The following ITPR2 variants were observed in gnomAD, a reference collection of about 807,000 sequenced individuals.
The protein encoded by ITPR2 is inositol 1,4,5-trisphosphate-gated calcium channel ITPR2.
ITPR2 carries 207 observed loss-of-function variants against 317.1 expected under a neutral mutation model. That is an observed-to-expected ratio of 0.65 (90% confidence interval 0.58 to 0.73). ITPR2 has a LOEUF of 0.73. Ranked by LOEUF, ITPR2 falls within the 30% of genes least tolerant of loss-of-function variation. ITPR2 has a pLI of 0.00. For synonymous variants in ITPR2, 1,156 were observed against 1,149.1 expected (o/e 1.01, Z -0.12); for missense variants, 2,613 against 3,284.0 (o/e 0.80, Z 4.99).
intron 55 of ITPR2, among the ~76,000 whole-genome samples, chr12:26,364,713 T>C (rs961584230): frequency 6.6e-6 from 1 of 152,220 alleles, no homozygotes; most frequent in Non-Finnish European, 1.5e-5. Flanking sequence ...CCTGCCATCA[T>C]GTGTGTCTGT....
chr12:26,652,313 T>C (rs573741833), intron 21 of ITPR2, among the ~76,000 whole-genome samples: 2 of 152,382 alleles, frequency 1.3e-5, no homozygotes, highest in African/African-American at 4.8e-5. Context: ...TTTCTGTGGT[T>C]CAATTGGCTT....
chr12:26,689,664 A>G (rs962449640), intron 10 of ITPR2, among the ~76,000 whole-genome samples: 2 of 152,196 alleles, frequency 1.3e-5, no homozygotes, highest in African/African-American at 4.8e-5. Context: ...ACTGCTGTCC[A>G]ACTGCAAACA....
intron 2 of ITPR2, among the ~76,000 whole-genome samples, chr12:26,775,959 T>A (rs968852643): frequency 6.9e-6 from 1 of 145,090 alleles, no homozygotes; most frequent in Non-Finnish European, 1.5e-5. Flanking sequence ...TATATGTATA[T>A]CCTATTAGTT....
At chr12:26,704,293 A>T (rs10842783) in intron 9 of ITPR2, among the ~76,000 whole-genome samples, 56,103 of 152,092 alleles carry the variant, frequency 0.37, 11,634 homozygotes, top group Non-Finnish European at 0.48. Context: ...CAGGTCATGG[A>T]TAGTCTTTTC....
At chr12:26,546,026 G>C (rs969759146) in intron 37 of ITPR2, among the ~76,000 whole-genome samples, 1 of 152,190 alleles carries the variant, frequency 6.6e-6, no homozygotes. Flanking sequence ...AGCTAGAATT[G>C]CTTTAGCTAT....
chr12:26,340,287 G>T lies in ITPR2; in HGVS notation c.7899C>A (p.Ser2633=). The T allele has an allele frequency of 6.2e-7, 1 of 1,608,318 alleles. No individual in the cohort carries two copies. ...CACTGTCGCCTTCATTGCTAACGAG[G>T]GACATGGCTCGCATCCGAGGAAACC... ...LDWFPRMRAM[S]LVSNEGDSEQ... is the part of the protein sequence containing the mutation. Residue 2633 remains serine, a synonymous_variant, in exon 56 of 57, where the codon TCC becomes TCA. Coordinates refer to ENST00000381340, the MANE Select transcript of ITPR2 (RefSeq NM_002223.4).
intron 55 of ITPR2, among the ~76,000 whole-genome samples, chr12:26,371,724 C>T (rs1368308439): frequency 6.6e-6 from 1 of 152,162 alleles, no homozygotes; most frequent in Non-Finnish European, 1.5e-5. Flanking sequence ...TGTACGGGAA[C>T]CGAGCCCTCT....
chr12:26,738,712 T>G (rs1005908941), intron 2 of ITPR2, among the ~76,000 whole-genome samples: 4 of 152,158 alleles, frequency 2.6e-5, no homozygotes, highest in South Asian at 2.1e-4. Flanking sequence ...CCTTTTACAG[T>G]CTCTTATTTC....
chr12:26,644,475 C>T (rs1262205457), intron 21 of ITPR2, among the ~76,000 whole-genome samples: 3 of 152,106 alleles, frequency 2.0e-5, no homozygotes, highest in Non-Finnish European at 2.9e-5. Flanking sequence ...AAGACACACC[C>T]GATACTCGGT....
intron 23 of ITPR2, among the ~76,000 whole-genome samples, chr12:26,625,383 A>T (rs1946598944): frequency 1.3e-5 from 2 of 152,282 alleles, no homozygotes; most frequent in South Asian, 4.1e-4. Context: ...TGCATACCTC[A>T]TTTATCCTGA....
At chr12:26,818,134 G>A (rs1383399512) in intron 1 of ITPR2, among the ~76,000 whole-genome samples, 1 of 152,028 alleles carries the variant, frequency 6.6e-6, no homozygotes, top group Non-Finnish European at 1.5e-5. Flanking sequence ...AGAATTTATT[G>A]GATTAATTAT....
chr12:26,663,707 T>C lies in ITPR2; in HGVS notation c.1691A>G (p.Gln564Arg). The change falls in exon 15 of 57, where the codon CAG (glutamine) becomes CGG (arginine). Residue 564 changes from glutamine to arginine, a missense_variant. Physicochemically the swap from Gln to Arg is conservative, Grantham distance 43 (BLOSUM62 1). Transcript: ENST00000381340. ...GACCTGATTTTTCCGGTAATCCTGC[T>C]GCGAGTGTCTCAGGACGCGGTAACA... The part of the protein sequence containing the change: ...RLCYRVLRHS[Q>R]QDYRKNQEYI... 1 of 1,612,306 alleles carries C rather than the reference T, an allele frequency of 6.2e-7. No individual in the cohort carries two copies. The highest frequency in any genetic ancestry group is 8.5e-7 in the Non-Finnish European group (1 of 1,179,530).
intron 1 of ITPR2, among the ~76,000 whole-genome samples, chr12:26,817,082 G>A (rs1013287692): frequency 1.3e-5 from 2 of 150,580 alleles, no homozygotes; most frequent in African/African-American, 4.9e-5. Context: ...TGGGGAAGCT[G>A]AGGCAGGAGA....
chr12:26,404,206 C>A (rs1207425282), intron 52 of ITPR2, among the ~76,000 whole-genome samples: 1 of 152,022 alleles, frequency 6.6e-6, no homozygotes, highest in Admixed American at 6.6e-5. Context: ...GAACTGTAGG[C>A]AGAAGGGGGA....
rs766929080 is a variant in ITPR2, at chr12:26,731,982, A to T, written c.164-6217T>A. On this transcript the variant is annotated intron_variant, in intron 2 of 56. Transcript: ENST00000381340. Reference sequence around the variant, plus strand: ...TTATTTTTAGAAGTTTTAAAAAGGAATGTGTTTTAAGAACACAAATTTCAA... The same window carrying T: ...TTATTTTTAGAAGTTTTAAAAAGGATTGTGTTTTAAGAACACAAATTTCAA... 9.2e-5 allele frequency among the ~76,000 whole-genome samples: 14 copies of T among 151,446 alleles called. No individual in the cohort carries two copies. In the Middle Eastern group the frequency reaches 0.02, roughly 221 times the overall value.
At chr12:26,425,509 A>G (rs1212421732) in intron 49 of ITPR2, among the ~76,000 whole-genome samples, 6 of 152,090 alleles carry the variant, frequency 3.9e-5, no homozygotes, top group Non-Finnish European at 1.5e-5. Flanking sequence ...TCCACTAAAA[A>G]TACAAAAAAT....
At chr12:26,413,485 GA>G (rs1227666492) in intron 51 of ITPR2, among the ~76,000 whole-genome samples, 5 of 152,190 alleles carry the variant, frequency 3.3e-5, no homozygotes, top group Admixed American at 1.3e-4. Context: ...TCCAATACAT[GA>G]AAGAATAAAC....
intron 50 of ITPR2, among the ~76,000 whole-genome samples, chr12:26,416,197 C>T (rs1460306286): frequency 6.6e-6 from 1 of 152,136 alleles, no homozygotes; most frequent in African/African-American, 2.4e-5. Flanking sequence ...TAGGTTACTA[C>T]CTATTTTGTC....
intron 9 of ITPR2, among the ~76,000 whole-genome samples, chr12:26,707,719 G>C (rs1415578207): frequency 6.6e-6 from 1 of 152,020 alleles, no homozygotes; most frequent in Non-Finnish European, 1.5e-5. Flanking sequence ...TTTTTGTAGA[G>C]ACAGGGCACC....
Sources: gnomAD v4.1 joint callset for allele counts (sites outside exome capture counted in the v4.1 genomes callset) on GRCh38, gnomAD v4.1.1 for gene constraint, MANE v1.5 for transcripts, NCBI Gene and HGNC (gene_info 2026-07-23, HGNC 2026-07-21) for gene names.